HSF2BP: variants seen among roughly 807,000 people sequenced by gnomAD.
The protein encoded by HSF2BP is heat shock transcription factor 2 binding protein.
Under a neutral mutation model 35.0 loss-of-function variants are expected in HSF2BP, and 35 were observed. The observed-to-expected ratio is 1.00, with a 90% CI of 0.76 to 1.32. The LOEUF (loss-of-function observed/expected upper bound fraction) is 1.32. Ranked by LOEUF, HSF2BP falls within the 40% of genes most tolerant of loss-of-function variation. The pLI, the probability that HSF2BP is intolerant of heterozygous loss-of-function variation, is 0.00. For missense variants in HSF2BP, 326 were observed against 321.7 expected (o/e 1.01, Z -0.10); for synonymous variants, 114 against 117.4 (o/e 0.97, Z 0.18).
At chr21:43,658,895 C>T (rs1238949356) in intron 1 of HSF2BP, among the ~76,000 whole-genome samples, 1 of 152,188 alleles carries the variant, frequency 6.6e-6, no homozygotes, top group Non-Finnish European at 1.5e-5. Flanking sequence ...CCTTTCCTTC[C>T]AGTCTCAACT....
At chr21:43,645,013 T>C (rs994202711) in intron 3 of HSF2BP, among the ~76,000 whole-genome samples, 1 of 152,158 alleles carries the variant, frequency 6.6e-6, no homozygotes, top group Non-Finnish European at 1.5e-5. Context: ...CGTCAATAAA[T>C]CAAGCAAAAG....
intron 6 of HSF2BP, among the ~76,000 whole-genome samples, chr21:43,614,276 T>C (rs971916614): frequency 1.3e-5 from 2 of 151,698 alleles, no homozygotes; most frequent in African/African-American, 4.9e-5. Flanking sequence ...GGCAGAAGGA[T>C]TGCTTGAGCC....
chr21:43,645,767 G>A (rs1051261228), intron 3 of HSF2BP, among the ~76,000 whole-genome samples: 3 of 152,250 alleles, frequency 2.0e-5, no homozygotes, highest in East Asian at 1.9e-4. Context: ...GCAAACAAAC[G>A]AGAAGCGGGT....
intron 8 of HSF2BP, among the ~76,000 whole-genome samples, chr21:43,574,839 C>CA (rs141123665): frequency 0.045 from 6,817 of 152,242 alleles, 516 homozygotes; most frequent in African/African-American, 0.15. Flanking sequence ...CTCCTTGGGA[C>CA]GGGGGTGCCG....
Position 43,613,964 on chromosome 21 carries a change from A to G in HSF2BP, c.575-17T>C. 2 of 1,537,716 alleles carry G rather than the reference A, an allele frequency of 1.3e-6. No individual in the cohort carries two copies. Among genetic ancestry groups the G allele is most frequent in the Non-Finnish European group, 1.8e-6 (2 of 1,113,092 alleles). Reference sequence around the variant, plus strand: ...CAGCAACATCTGCAACAGAAAATGAAACAAAACATCAAGATCATTATGACT... The same window carrying G: ...CAGCAACATCTGCAACAGAAAATGAGACAAAACATCAAGATCATTATGACT... On this transcript the variant is annotated splice_polypyrimidine_tract_variant and intron_variant, in intron 6 of 8. Coordinates refer to ENST00000291560, the MANE Select transcript of HSF2BP (RefSeq NM_007031.2).
chr21:43,592,404 G>GTTCCTCTTAACTAGT, intron 7 of HSF2BP, 76 bp from the exon 8 acceptor site: 1 of 924,282 alleles, frequency 1.1e-6, no homozygotes, highest in Non-Finnish European at 1.8e-6. Flanking sequence ...TACTAGTTAA[G>GTTCCTCTTAACTAGT]AGGAACTTAA....
chr21:43,591,887 T>C (rs564660495), intron 8 of HSF2BP, among the ~76,000 whole-genome samples: 2 of 152,326 alleles, frequency 1.3e-5, no homozygotes, highest in African/African-American at 4.8e-5. Context: ...TCAGTAGCTA[T>C]CTAGGTCATC....
chr21:43,591,360 T>A (rs568793768), intron 8 of HSF2BP, among the ~76,000 whole-genome samples: 5 of 152,346 alleles, frequency 3.3e-5, no homozygotes, highest in Non-Finnish European at 7.3e-5. Flanking sequence ...TCTTCTCTTT[T>A]ATCTGACAGA....
At chr21:43,572,315 T>TA (rs1382491996) in intron 8 of HSF2BP, among the ~76,000 whole-genome samples, 2 of 152,196 alleles carry the variant, frequency 1.3e-5, no homozygotes, top group Admixed American at 1.3e-4. Context: ...GGGCTTGAGT[T>TA]AGATACTTCA....
At chr21:43,649,418 G>A (rs2082752910) in intron 3 of HSF2BP, among the ~76,000 whole-genome samples, 1 of 151,812 alleles carries the variant, frequency 6.6e-6, no homozygotes, top group Non-Finnish European at 1.5e-5. Context: ...GGGTGACAGA[G>A]GGAGACTCCA....
intron 4 of HSF2BP, among the ~76,000 whole-genome samples, chr21:43,633,701 A>G (rs987964545): frequency 3.3e-5 from 5 of 152,218 alleles, no homozygotes; most frequent in Non-Finnish European, 7.3e-5. Context: ...TAACTACATG[A>G]AATATCTCAA....
At chr21:43,628,569 G>A (rs1465819962) in intron 6 of HSF2BP, among the ~76,000 whole-genome samples, 4 of 152,244 alleles carry the variant, frequency 2.6e-5, no homozygotes, top group African/African-American at 4.8e-5. Flanking sequence ...TAAAAACAAC[G>A]TGCAGCAGCA....
At chr21:43,605,204 CCCACACACCCACA>C (rs1190897273) in intron 7 of HSF2BP, among the ~76,000 whole-genome samples, 1 of 148,908 alleles carries the variant, frequency 6.7e-6, no homozygotes, top group African/African-American at 2.5e-5. Context: ...GCTGACAGAG[CCCACACACCCACA>C]CCACACACAT....
intron 8 of HSF2BP, among the ~76,000 whole-genome samples, chr21:43,583,531 GCCTGCTGAGGGAGATGAGGA>G: frequency 8.4e-6 from 1 of 119,722 alleles, no homozygotes; most frequent in African/African-American, 3.3e-5. Flanking sequence ...GAGATGAAGG[GCCTGCTGAGGGAGATGAGGA>G]CCTGCTGAGG....
chr21:43,468,004 CA>C, the HSF2BP span, among the ~76,000 whole-genome samples: 1 of 125,608 alleles, frequency 8.0e-6, no homozygotes, highest in Non-Finnish European at 1.7e-5. Flanking sequence ...ACACACCACA[CA>C]CACCACAAAC....
chr21:43,620,628 G>A (rs573577136), intron 6 of HSF2BP, among the ~76,000 whole-genome samples: 4 of 152,122 alleles, frequency 2.6e-5, no homozygotes, highest in Non-Finnish European at 4.4e-5. Context: ...CCAGGAGTTC[G>A]AGGTTGCAGT....
intron 8 of HSF2BP, among the ~76,000 whole-genome samples, chr21:43,573,697 G>T (rs530873161): frequency 8.2e-4 from 125 of 152,234 alleles, no homozygotes; most frequent in African/African-American, 2.9e-3. Flanking sequence ...GTGGCGTCCT[G>T]GGGGGAAGGC....
rs1365154784 is a variant in HSF2BP, at chr21:43,656,581, A to G, written c.187+6T>C. On this transcript the variant is annotated splice_donor_region_variant and intron_variant, in intron 3 of 8. Coordinates refer to ENST00000291560, the MANE Select transcript of HSF2BP (RefSeq NM_007031.2). ...CCACCAATGACTGCTGAAAATGAAG[A>G]CTCACTTTTTTCTACAATCTTTAAT... 2 of 1,605,544 alleles carry G rather than the reference A, an allele frequency of 1.2e-6. No individual in the cohort carries two copies. The highest frequency in any genetic ancestry group is 3.5e-5 in the Admixed American group (2 of 57,892).
chr21:43,604,419 CCA>C (rs1337618194), intron 7 of HSF2BP, among the ~76,000 whole-genome samples: 62 of 127,612 alleles, frequency 4.9e-4, no homozygotes, highest in African/African-American at 1.2e-3. Flanking sequence ...CATACACACC[CCA>C]CACACCACAC....
Sources: allele counts gnomAD v4.1 joint callset (sites outside exome capture counted in the v4.1 genomes callset), GRCh38; gene constraint gnomAD v4.1.1; transcripts MANE v1.5; gene names NCBI Gene and HGNC (gene_info 2026-07-23, HGNC 2026-07-21).